The following OSBPL8 variants were observed in gnomAD, a reference collection of about 807,000 sequenced individuals.
The protein encoded by OSBPL8 is oxysterol-binding protein-related protein 8.
A neutral mutation model predicts 125.5 loss-of-function variants in OSBPL8; 59 were observed. That is an observed-to-expected ratio of 0.47 (90% CI 0.38 to 0.58). The LOEUF (loss-of-function observed/expected upper bound fraction) is 0.58, where lower values mean the gene tolerates loss of function less well. Among genes scored for constraint, OSBPL8 ranks in the 20% least tolerant of loss-of-function variants. The pLI is 0.00. For missense variants in OSBPL8, 758 were observed against 1,047.8 expected (o/e 0.72, Z 3.82); for synonymous variants, 330 against 338.9 (o/e 0.97, Z 0.29).
intron 1 of OSBPL8, among the ~76,000 whole-genome samples, chr12:76,521,253 C>T (rs920997824): frequency 2.6e-5 from 4 of 152,020 alleles, no homozygotes; most frequent in South Asian, 2.1e-4. Flanking sequence ...TATAAAGGGG[C>T]GTAAATAACA....
intron 4 of OSBPL8, among the ~76,000 whole-genome samples, chr12:76,436,221 T>C (rs1427616871): frequency 6.6e-6 from 1 of 152,180 alleles, no homozygotes; most frequent in Non-Finnish European, 1.5e-5. Context: ...TTATGGGCTT[T>C]GTATTTGGAT....
At chr12:76,385,958 G>T in intron 14 of OSBPL8, 1 of 595,968 alleles carries the variant, frequency 1.7e-6, no homozygotes, top group Non-Finnish European at 2.4e-6. Flanking sequence ...ATTTATTTTT[G>T]GTCAAAGGAT....
intron 4 of OSBPL8, among the ~76,000 whole-genome samples, chr12:76,428,840 T>C (rs926974710): frequency 1.3e-5 from 2 of 152,136 alleles, no homozygotes; most frequent in African/African-American, 4.8e-5. Context: ...AGTCTATTCA[T>C]AACATTAAAA....
At chr12:76,420,797 T>A (rs1489620318) in intron 4 of OSBPL8, among the ~76,000 whole-genome samples, 1 of 152,030 alleles carries the variant, frequency 6.6e-6, no homozygotes, top group Non-Finnish European at 1.5e-5. Context: ...AGCCACTTCT[T>A]TGAAGTACTT....
At chr12:76,440,374 A>G (rs1435476937) in intron 4 of OSBPL8, among the ~76,000 whole-genome samples, 1 of 152,056 alleles carries the variant, frequency 6.6e-6, no homozygotes, top group Non-Finnish European at 1.5e-5. Flanking sequence ...TCTTTCTTAC[A>G]GGTGCACAAT....
chr12:76,540,756 TCA>T lies in OSBPL8; in HGVS notation c.-68+18639_-68+18640del, dbSNP rs376524315. Among the ~76,000 whole-genome samples, 276 of 151,930 alleles carry T rather than the reference TCA, an allele frequency of 1.8e-3. 1 individual carries two copies. The highest frequency in any genetic ancestry group is 6.4e-3 in the African/African-American group (266 of 41,444). On this transcript the variant is annotated intron_variant, in intron 1 of 23. Coordinates refer to ENST00000261183, the MANE Select transcript of OSBPL8 (RefSeq NM_020841.5). Reference sequence around the variant, plus strand: ...TATCCCAAAATGGCTTAAGTCTCTCTCACACACACATACACATGCACACAACT... The same window carrying T: ...TATCCCAAAATGGCTTAAGTCTCTCTCACACACATACACATGCACACAACT...
chr12:76,435,651 G>T (rs560333038), intron 4 of OSBPL8, among the ~76,000 whole-genome samples: 1 of 152,050 alleles, frequency 6.6e-6, no homozygotes, highest in South Asian at 2.1e-4. Flanking sequence ...ATATATTATT[G>T]ATATTTGTCA....
chr12:76,444,761 T>G (rs1016337631), intron 4 of OSBPL8, among the ~76,000 whole-genome samples: 3 of 152,134 alleles, frequency 2.0e-5, no homozygotes, highest in Non-Finnish European at 4.4e-5. Flanking sequence ...GCCTCACCCT[T>G]AGAGATTCTG....
At chr12:76,412,396 A>C (rs1868268040) in intron 4 of OSBPL8, among the ~76,000 whole-genome samples, 1 of 152,146 alleles carries the variant, frequency 6.6e-6, no homozygotes, top group South Asian at 2.1e-4. Flanking sequence ...AAAATTCAAA[A>C]GCTGCACACT....
At chr12:76,463,986 T>C (rs1875065746) in intron 2 of OSBPL8, among the ~76,000 whole-genome samples, 1 of 152,222 alleles carries the variant, frequency 6.6e-6, no homozygotes, top group Non-Finnish European at 1.5e-5. Context: ...AAATTATTGA[T>C]GTGGAACCAC....
chr12:76,356,005 G>A lies in OSBPL8; in HGVS notation c.2554C>T (p.Arg852Ter), dbSNP rs763195829. 6.2e-7 allele frequency: 1 copy of A among 1,611,284 alleles called. No homozygotes were observed. Among genetic ancestry groups the A allele is most frequent in the Admixed American group, 1.7e-5 (1 of 59,596 alleles). ...EEIKRNIMAL[R>*]NHLVSSTPAT... ...GGTGTGCTTGAAACTAAATGATTTC[G>A]AAGAGCCATAATATTTCTATAAAAA... Residue 852 changes from arginine (R) to a stop codon, truncating the protein, a stop_gained, in exon 24 of 24, where the codon CGA becomes TGA. Coordinates refer to ENST00000261183, the MANE Select transcript of OSBPL8 (RefSeq NM_020841.5). LOFTEE classifies it high-confidence loss of function.
intron 1 of OSBPL8, among the ~76,000 whole-genome samples, chr12:76,550,577 T>C (rs762238269): frequency 3.6e-4 from 55 of 152,228 alleles, no homozygotes; most frequent in Non-Finnish European, 6.5e-4. Context: ...ACACTAACAA[T>C]AGCTGATGAG....
chr12:76,499,361 CT>C (rs1879653427), intron 1 of OSBPL8, among the ~76,000 whole-genome samples: 1 of 146,770 alleles, frequency 6.8e-6, no homozygotes, highest in African/African-American at 2.5e-5. Flanking sequence ...ATCTATCTAT[CT>C]ATCTAATCTA....
intron 2 of OSBPL8, among the ~76,000 whole-genome samples, chr12:76,477,809 T>G (rs1876992277): frequency 6.6e-6 from 1 of 152,110 alleles, no homozygotes; most frequent in Admixed American, 6.5e-5. Context: ...CTCTATTATC[T>G]TTACAATTTT....
intron 4 of OSBPL8, among the ~76,000 whole-genome samples, chr12:76,449,620 T>C (rs1451603559): frequency 6.6e-6 from 1 of 152,196 alleles, no homozygotes; most frequent in Non-Finnish European, 1.5e-5. Flanking sequence ...GATGAAGAAG[T>C]AAAAATTATT....
chr12:76,357,109 T>C (rs544634176), intron 22 of OSBPL8, among the ~76,000 whole-genome samples: 3 of 152,318 alleles, frequency 2.0e-5, no homozygotes, highest in South Asian at 4.1e-4. Flanking sequence ...AGTGTTTAGT[T>C]ACCTAAACTT....
chr12:76,437,546 C>T (rs1281460637), intron 4 of OSBPL8, among the ~76,000 whole-genome samples: 9 of 152,124 alleles, frequency 5.9e-5, no homozygotes, highest in African/African-American at 1.9e-4. Flanking sequence ...GGATATTAAT[C>T]CTTTGTTAGT....
intron 1 of OSBPL8, among the ~76,000 whole-genome samples, chr12:76,534,828 A>C (rs1481569492): frequency 2.0e-5 from 3 of 152,216 alleles, no homozygotes; most frequent in African/African-American, 7.2e-5. Flanking sequence ...GAATAGAATA[A>C]GGAGTCTAGA....
intron 1 of OSBPL8, among the ~76,000 whole-genome samples, chr12:76,531,291 G>A (rs1243870215): frequency 6.6e-6 from 1 of 152,144 alleles, no homozygotes; most frequent in African/African-American, 2.4e-5. Flanking sequence ...AAAACAAGTT[G>A]TGTTACTTAA....
Sources: gnomAD v4.1 joint callset for allele counts (sites outside exome capture counted in the v4.1 genomes callset) on GRCh38, gnomAD v4.1.1 for gene constraint, MANE v1.5 for transcripts, NCBI Gene and HGNC (gene_info 2026-07-23, HGNC 2026-07-21) for gene names.